Variants in MUSK observed in about 807,000 individuals in gnomAD.
MUSK encodes muscle associated receptor tyrosine kinase.
In MUSK, 55 loss-of-function variants were observed where a neutral mutation model predicts 88.7. The ratio of observed to expected loss-of-function variants is 0.62; its 90% CI spans 0.50 to 0.78. The LOEUF is 0.78. Among genes scored for constraint, MUSK ranks in the 30% least tolerant of loss-of-function variants. The probability of loss-of-function intolerance (pLI) is 0.00; values close to 1 mark genes in which losing one functional copy is unlikely to be tolerated. For synonymous variants in MUSK, 387 were observed against 391.9 expected (o/e 0.99, Z 0.15); for missense variants, 1,015 against 1,074.3 (o/e 0.94, Z 0.77).
rs191888751 is a variant in MUSK, at chr9:110,801,297, T to C, written c.*309T>C. ...ATGTCATCCTGTTCAGTTTCCAAAG[T>C]AGCTGGTCACAGAGTAAAGCTCTGC... is the stretch of plus-strand genomic sequence containing the variant. On this transcript the variant is annotated 3_prime_UTR_variant, in exon 15 of 15. Coordinates refer to ENST00000374448, the MANE Select transcript of MUSK (RefSeq NM_005592.4). 1 of 229,962 alleles carries C rather than the reference T, an allele frequency of 4.3e-6. No homozygotes were observed. Among genetic ancestry groups the C allele is most frequent in the East Asian group, 9.0e-5 (1 of 11,084 alleles). The allele number at this position is 229,962 out of a possible 1,614,324, so 14.2% of individuals were successfully genotyped here.
intron 4 of MUSK, among the ~76,000 whole-genome samples, chr9:110,695,818 T>C (rs1260486033): frequency 1.3e-5 from 2 of 150,944 alleles, no homozygotes; most frequent in East Asian, 3.9e-4. Context: ...AAATCATTTA[T>C]TTTTTTTTAA....
At chr9:110,765,174 C>T (rs988303492) in intron 8 of MUSK, among the ~76,000 whole-genome samples, 3 of 152,240 alleles carry the variant, frequency 2.0e-5, no homozygotes, top group Non-Finnish European at 4.4e-5. Flanking sequence ...GTAACAGCAT[C>T]ATTGAATAGT....
At chr9:110,678,408 T>C (rs2076057469) in intron 1 of MUSK, among the ~76,000 whole-genome samples, 1 of 152,112 alleles carries the variant, frequency 6.6e-6, no homozygotes, top group South Asian at 2.1e-4. Flanking sequence ...CCTCCCAAAG[T>C]GTTGAGATTA....
chr9:110,692,633 C>T (rs929967085), intron 3 of MUSK, among the ~76,000 whole-genome samples: 1 of 151,124 alleles, frequency 6.6e-6, no homozygotes, highest in African/African-American at 2.4e-5. Context: ...ACTTTTTCTT[C>T]ATATTATGAA....
At chr9:110,754,279 C>A (rs2077284217) in intron 7 of MUSK, among the ~76,000 whole-genome samples, 1 of 152,102 alleles carries the variant, frequency 6.6e-6, no homozygotes, top group Non-Finnish European at 1.5e-5. Context: ...TATATTAGAA[C>A]AGTTCTGTTT....
At chr9:110,756,982 A>C (rs1429055756) in intron 7 of MUSK, among the ~76,000 whole-genome samples, 2 of 152,110 alleles carry the variant, frequency 1.3e-5, no homozygotes, top group South Asian at 2.1e-4. Flanking sequence ...AATAAATACA[A>C]GGGGGTCCAT....
At chr9:110,798,796 A>G (rs890625615) in intron 14 of MUSK, among the ~76,000 whole-genome samples, 1 of 152,164 alleles carries the variant, frequency 6.6e-6, no homozygotes, top group African/African-American at 2.4e-5. Flanking sequence ...ATAAATGTAT[A>G]TACATATATA....
rs368896303 is a variant in MUSK, at chr9:110,774,866, T to TACAC, written c.1185-899_1185-896dup. Among the ~76,000 whole-genome samples the TACAC allele has an allele frequency of 6.4e-3, 886 of 139,028 alleles. 5 individuals are homozygous for TACAC. The highest frequency in any genetic ancestry group is 0.017 in the African/African-American group (601 of 34,478). The allele number at this position is 139,028 out of a possible 152,430, so 91.2% of individuals were successfully genotyped here. ...AAAAGACACCATTGTGGCATATATA[T>TACAC]ACACACACACACACACACACACACA... is the stretch of plus-strand genomic sequence containing the variant. On this transcript the variant is annotated intron_variant, in intron 9 of 14. Coordinates refer to ENST00000374448, the MANE Select transcript of MUSK (RefSeq NM_005592.4).
chr9:110,757,101 C>T (rs564098073), intron 7 of MUSK, among the ~76,000 whole-genome samples: 2 of 152,254 alleles, frequency 1.3e-5, no homozygotes, highest in East Asian at 3.9e-4. Flanking sequence ...TTTGCCTTAA[C>T]TCACTTAACT....
intron 4 of MUSK, among the ~76,000 whole-genome samples, 182 bp from the exon 5 acceptor site, chr9:110,697,143 A>T (rs979304580): frequency 1.3e-5 from 2 of 151,218 alleles, no homozygotes; most frequent in African/African-American, 4.8e-5. Context: ...GTGAAGATTA[A>T]TTTAGGTACT....
intron 7 of MUSK, among the ~76,000 whole-genome samples, chr9:110,753,677 C>A (rs891919646): frequency 1.3e-5 from 2 of 152,048 alleles, no homozygotes; most frequent in African/African-American, 4.8e-5. Flanking sequence ...TTCTTTGAAT[C>A]GACCTCAGGG....
chr9:110,753,275 T>C (rs1257115345), intron 7 of MUSK, among the ~76,000 whole-genome samples: 1 of 151,696 alleles, frequency 6.6e-6, no homozygotes, highest in East Asian at 1.9e-4. Flanking sequence ...TACTAAAAAA[T>C]ACAAAAATTA....
intron 2 of MUSK, among the ~76,000 whole-genome samples, chr9:110,683,649 T>G (rs1057093204): frequency 1.3e-5 from 2 of 152,162 alleles, no homozygotes; most frequent in Admixed American, 6.6e-5. Context: ...CATTTGTTAT[T>G]GCCTGTCTTT....
chr9:110,785,899 TAC>T (rs200564354), intron 13 of MUSK, among the ~76,000 whole-genome samples, 181 bp downstream of exon 13: 49 of 146,870 alleles, frequency 3.3e-4, no homozygotes, highest in African/African-American at 9.3e-4. Context: ...TATATATATA[TAC>T]ACACACACAT....
At chr9:110,776,594 T>C in intron 10 of MUSK, 38 bp from the exon 11 acceptor site, 1 of 1,532,090 alleles carries the variant, frequency 6.5e-7, no homozygotes. Flanking sequence ...GATATCTGGA[T>C]GCTCACTTAA....
intron 5 of MUSK, among the ~76,000 whole-genome samples, chr9:110,715,359 G>A (rs1440301979): frequency 6.7e-6 from 1 of 149,468 alleles, no homozygotes; most frequent in African/African-American, 2.5e-5. Context: ...AAAACCTGAA[G>A]TTCAGAGAAG....
intron 5 of MUSK, among the ~76,000 whole-genome samples, chr9:110,720,775 A>C (rs1329914998): frequency 6.6e-6 from 1 of 152,088 alleles, no homozygotes; most frequent in East Asian, 1.9e-4. Context: ...TAAACCAGGA[A>C]AGAGCATAAC....
chr9:110,775,774 A>G lies in MUSK; in HGVS notation c.1185-14A>G, dbSNP rs2077658817. The G allele has an allele frequency of 1.2e-6, 2 of 1,612,942 alleles. No individual in the cohort carries two copies. The highest frequency in any genetic ancestry group is 1.3e-5 in the African/African-American group (1 of 74,912). ...AATGATTCATCAAGTTTTGTTCTCCATATACTATTTTAGAGAGTACTGCTT... is the reference window on the plus strand; with the variant it reads ...AATGATTCATCAAGTTTTGTTCTCCGTATACTATTTTAGAGAGTACTGCTT... On this transcript the variant is annotated splice_polypyrimidine_tract_variant and intron_variant, in intron 9 of 14. Transcript: ENST00000374448.
chr9:110,780,117 A>G (rs2077728130), intron 11 of MUSK, among the ~76,000 whole-genome samples: 1 of 152,196 alleles, frequency 6.6e-6, no homozygotes, highest in Admixed American at 6.5e-5. Context: ...CATATTTTAT[A>G]TCACAACTGA....
Sources: allele counts gnomAD v4.1 joint callset (sites outside exome capture counted in the v4.1 genomes callset), GRCh38; gene constraint gnomAD v4.1.1; transcripts MANE v1.5; gene names NCBI Gene and HGNC (gene_info 2026-07-23, HGNC 2026-07-21).